Variants in CORO7 observed in about 807,000 individuals in gnomAD.
CORO7 encodes the protein coronin-7.
Under a neutral mutation model 126.6 loss-of-function variants are expected in CORO7, and 107 were observed. The ratio of observed to expected loss-of-function variants is 0.85; its 90% CI spans 0.72 to 0.99. The LOEUF (loss-of-function observed/expected upper bound fraction) is 0.99, where lower values mean the gene tolerates loss of function less well. Among genes scored for constraint, CORO7 ranks in the 50% least tolerant of loss-of-function variants. The pLI, the probability that CORO7 is intolerant of heterozygous loss-of-function variation, is 0.00. For synonymous variants in CORO7, 603 were observed against 536.8 expected (o/e 1.12, Z -1.70); for missense variants, 1,314 against 1,255.8 (o/e 1.05, Z -0.70).
rs2054201601 is a variant in CORO7 at position 4,362,136 on chromosome 16, G to A, written c.1427C>T (p.Ala476Val). ...GTCTCGGTGCAGGACAGTGCCCTGA[G>A]CATGGCGGAACTTGGAACTGGGGCC... ...LLGPSSKFRH[A>V]QGTVLHRDSH... is the part of the protein sequence containing the mutation. The change falls in exon 16 of 28, where the codon GCT becomes GTT. Residue 476 changes from alanine (A) to valine (V), a missense_variant. Transcript: ENST00000251166. This position sits in a 1 kb window ranked among gnomAD's most constrained non-coding sequence, Gnocchi z 5.3. 6.2e-7 allele frequency: 1 copy of A among 1,609,406 alleles called. No homozygotes were observed. The highest frequency in any genetic ancestry group is 1.7e-5 in the Admixed American group (1 of 58,568).
At chr16:4,357,145 C>G (rs772943941) in intron 26 of CORO7, 23 bp downstream of exon 26, 25 of 1,613,526 alleles carry the variant, frequency 1.5e-5, no homozygotes, top group Non-Finnish European at 1.8e-5. Context: ...CACCTCCGCA[C>G]AGCTGCTCTC....
chr16:4,381,780 C>T (rs746311370), intron 9 of CORO7: 3 of 1,601,006 alleles, frequency 1.9e-6, no homozygotes, highest in East Asian at 2.2e-5. Context: ...ACCCCTTCAA[C>T]TGCGTGTGCC....
chr16:4,357,229 C>T lies in CORO7; in HGVS notation c.2624G>A (p.Arg875His), dbSNP rs143684014. The T allele has an allele frequency of 1.1e-5, 17 of 1,613,528 alleles. No individual in the cohort carries two copies. The highest frequency in any genetic ancestry group is 6.7e-5 in the East Asian group (3 of 44,892). Residue 875 changes from arginine (R) to histidine (H), a missense_variant, in exon 26 of 28, where the codon CGT becomes CAT. By Grantham distance (29) the Arg-to-His change is conservative (BLOSUM62 0). Transcript: ENST00000251166. Reference protein sequence around the residue: ...VSQAPREAPARRAPSSAQYLE... With the variant: ...VSQAPREAPAHRAPSSAQYLE... ...GTACTGCGCTGAGGATGGGGCCCGA[C>T]GAGCAGGGGCCTCTCGGGGGGCTTG... is the stretch of plus-strand genomic sequence containing the variant.
intron 19 of CORO7, 125 bp downstream of exon 19, chr16:4,360,818 C>A: frequency 6.7e-7 from 1 of 1,503,118 alleles, no homozygotes; most frequent in Non-Finnish European, 8.8e-7. Context: ...GGCCCCACCC[C>A]TCCTCGCTGC....
chr16:4,410,087 T>A (rs1461890114), intron 3 of CORO7, among the ~76,000 whole-genome samples: 1 of 152,136 alleles, frequency 6.6e-6, no homozygotes, highest in Non-Finnish European at 1.5e-5. Context: ...CTTGCAAGCA[T>A]CACCAACTTG....
Position 4,408,258 on chromosome 16 carries a change from G to GA in CORO7, c.233-8dup. 1 of 1,614,222 alleles carries GA rather than the reference G, an allele frequency of 6.2e-7. No individual in the cohort carries two copies. Reference sequence around the variant, plus strand: ...TCCAAGTCGGTGACTAGGTCTGTGGGAGAGGAATGGCTGAACCCACCGGAA... The same window carrying GA: ...TCCAAGTCGGTGACTAGGTCTGTGGGAAGAGGAATGGCTGAACCCACCGGAA... On this transcript the variant is annotated splice_region_variant and splice_polypyrimidine_tract_variant and intron_variant, in intron 3 of 27. Transcript: ENST00000251166.
chr16:4,388,416 C>T (rs2055270315), intron 8 of CORO7, 129 bp downstream of exon 8: 1 of 1,044,850 alleles, frequency 9.6e-7, no homozygotes, highest in Non-Finnish European at 1.4e-6. Flanking sequence ...GGCAGCACAG[C>T]CAGGCCGTAT....
chr16:4,377,171 C>T (rs11644346), intron 9 of CORO7, among the ~76,000 whole-genome samples: 1,903 of 152,304 alleles, frequency 0.012, 18 homozygotes, highest in Non-Finnish European at 0.02. Flanking sequence ...GGCTGAGGAA[C>T]TTGGGTGGAG....
intron 9 of CORO7, among the ~76,000 whole-genome samples, chr16:4,370,689 C>T (rs2054492916): frequency 6.6e-6 from 1 of 152,248 alleles, no homozygotes; most frequent in South Asian, 2.1e-4. Flanking sequence ...CTGTCCCAGC[C>T]AGGCCCTGCT....
At chr16:4,391,898 G>A (rs913632112) in intron 7 of CORO7, among the ~76,000 whole-genome samples, 1 of 152,228 alleles carries the variant, frequency 6.6e-6, no homozygotes, top group Non-Finnish European at 1.5e-5. Context: ...GGCAGGGCAG[G>A]AGCAGTGTCA....
chr16:4,394,751 C>T (rs1228279254), intron 7 of CORO7, among the ~76,000 whole-genome samples: 1 of 152,250 alleles, frequency 6.6e-6, no homozygotes, highest in Non-Finnish European at 1.5e-5. Context: ...CTCTGTAGGG[C>T]AAATGAACGG....
At chr16:4,361,547 C>G in intron 16 of CORO7, 78 bp from the exon 17 acceptor site, 1 of 1,516,998 alleles carries the variant, frequency 6.6e-7, no homozygotes, top group Non-Finnish European at 9.0e-7. Context: ...GGGCAAGCAG[C>G]ATGTCTGGGA....
rs552709379 is a variant in CORO7 at position 4,365,797 on chromosome 16, C to T, written c.786-252G>A. 1.1e-4 allele frequency among the ~76,000 whole-genome samples: 16 copies of T among 152,242 alleles called. No homozygotes were observed. In the East Asian group the frequency reaches 1.7e-3, roughly 17 times the overall value. On this transcript the variant is annotated intron_variant, in intron 9 of 27. Transcript: ENST00000251166. ...TGCGTCACTCCAGGACTGGAGTGGG[C>T]ACAGGGGAACTCGGGCCCGATCTCA...
chr16:4,382,848 C>T, intron 9 of CORO7: 1 of 1,589,210 alleles, frequency 6.3e-7, no homozygotes, highest in Non-Finnish European at 8.6e-7. Flanking sequence ...CACTCATGGG[C>T]TTCCCAGGGC....
At chr16:4,388,160 C>G in intron 8 of CORO7, 92 bp from the exon 9 acceptor site, 1 of 1,491,296 alleles carries the variant, frequency 6.7e-7, no homozygotes, top group Non-Finnish European at 9.1e-7. Context: ...AGGGTGCAGC[C>G]TGACACGGGG....
chr16:4,388,442 A>ACTGG, intron 8 of CORO7, 103 bp downstream of exon 8: 1 of 1,302,044 alleles, frequency 7.7e-7, no homozygotes, highest in Non-Finnish European at 1.1e-6. Context: ...CAGGCCTGGA[A>ACTGG]CTGGCCCTCA....
chr16:4,409,702 G>A (rs1207940413), intron 3 of CORO7, among the ~76,000 whole-genome samples: 2 of 152,220 alleles, frequency 1.3e-5, no homozygotes, highest in African/African-American at 4.8e-5. Context: ...GCGGGCCCCA[G>A]CTGCCGCCCC....
rs770076274 is a variant in CORO7 at position 4,361,387 on chromosome 16, G to A, written c.1661C>T (p.Pro554Leu). Residue 554 changes from proline (P) to leucine (L), a missense_variant, in exon 17 of 28, where the codon CCC (proline) becomes CTC (leucine). Transcript: ENST00000251166. Reference protein sequence around the residue: ...GAAVTDLAWDPFDPHRLAVAG... With the variant: ...GAAVTDLAWDLFDPHRLAVAG... Reference sequence around the variant, plus strand: ...CACAGCGAGGCGATGGGGGTCAAAGGGGTCCCAGGCCAGATCAGTCACAGC... The same window carrying A: ...CACAGCGAGGCGATGGGGGTCAAAGAGGTCCCAGGCCAGATCAGTCACAGC... 3.1e-6 allele frequency: 5 copies of A among 1,612,164 alleles called. No homozygotes were observed. Among genetic ancestry groups the A allele is most frequent in the South Asian group, 1.1e-5 (1 of 91,052 alleles).
Position 4,362,572 on chromosome 16 carries a change from C to T in CORO7, c.1402+40G>A. ...ATGACGGGGAGTGGGGCAGACAGGG[C>T]TCCTGCGGTAGGGGTGAGCTCCCCG... On this transcript the variant is annotated intron_variant, in intron 15 of 27. Coordinates refer to ENST00000251166, the MANE Select transcript of CORO7 (RefSeq NM_024535.5). This position sits in a 1 kb window ranked among gnomAD's most constrained non-coding sequence, Gnocchi z 5.3. The T allele has an allele frequency of 6.6e-7, 1 of 1,511,928 alleles. No homozygotes were observed. Among genetic ancestry groups the T allele is most frequent in the Non-Finnish European group, 8.8e-7 (1 of 1,134,000 alleles). 93.7% of individuals were successfully genotyped at this position (1,511,928 alleles called of 1,614,324 possible).
Sources: gnomAD v4.1 joint callset for allele counts (sites outside exome capture counted in the v4.1 genomes callset) on GRCh38, gnomAD v4.1.1 for gene constraint, Gnocchi (gnomAD v3.1) non-coding constraint, MANE v1.5 for transcripts, NCBI Gene and HGNC (gene_info 2026-07-23, HGNC 2026-07-21) for gene names.